NSD2: variants seen among roughly 807,000 people sequenced by gnomAD.
The protein encoded by NSD2 is nuclear receptor binding SET domain protein 2.
A neutral mutation model predicts 139.0 loss-of-function variants in NSD2; 12 were observed. That is an observed-to-expected ratio of 0.09 (90% CI 0.06 to 0.14). The LOEUF is 0.14. Ranked by LOEUF, NSD2 falls within the 10% of genes least tolerant of loss-of-function variation. The pLI is 1.00. For missense variants in NSD2, 1,155 were observed against 1,745.0 expected (o/e 0.66, Z 6.02); for synonymous variants, 669 against 648.7 (o/e 1.03, Z -0.48).
intron 2 of NSD2, among the ~76,000 whole-genome samples, chr4:1,903,448 T>C (rs149708402): frequency 2.6e-4 from 40 of 152,302 alleles, no homozygotes; most frequent in Non-Finnish European, 4.9e-4. Context: ...CGAGACTTGC[T>C]CCTAGTCCTC....
At chr4:1,884,783 G>C (rs1287663504) in intron 1 of NSD2, among the ~76,000 whole-genome samples, 1 of 152,102 alleles carries the variant, frequency 6.6e-6, no homozygotes, top group Non-Finnish European at 1.5e-5. Context: ...CTTTTCAGTT[G>C]AGTTCTGAAA....
chr4:1,899,784 G>A (rs1716917049), intron 1 of NSD2, among the ~76,000 whole-genome samples: 1 of 152,210 alleles, frequency 6.6e-6, no homozygotes, highest in Admixed American at 6.5e-5. Flanking sequence ...CTGCACGTGG[G>A]CCTCACTGGC....
At chr4:1,910,552 G>T (rs1718531840) in intron 3 of NSD2, among the ~76,000 whole-genome samples, 1 of 152,146 alleles carries the variant, frequency 6.6e-6, no homozygotes, top group South Asian at 2.1e-4. Flanking sequence ...TTTCTGTTGT[G>T]GAGATTTTTG....
At chr4:1,957,047 C>G (rs928725218) in intron 15 of NSD2, among the ~76,000 whole-genome samples, 2 of 152,182 alleles carry the variant, frequency 1.3e-5, no homozygotes, top group South Asian at 4.1e-4. Flanking sequence ...CTGCGACTGT[C>G]GGCAAAGTCT....
rs1249281877 is a variant in NSD2 at position 1,975,180 on chromosome 4, C to T, written c.3515-114C>T. ...CAAAATTGAAAGGCCATGGGTCAAG[C>T]CAGTACAGATACAAAAATAATAAGA... On this transcript the variant is annotated intron_variant, in intron 19 of 21. Transcript: ENST00000508803. 27 of 1,398,244 alleles carry T rather than the reference C, an allele frequency of 1.9e-5. No individual in the cohort carries two copies. The South Asian group carries it at 2.0e-4, about 11-fold the overall frequency. The allele number at this position is 1,398,244 out of a possible 1,614,324, so 86.6% of individuals were successfully genotyped here.
rs773520954 is a variant in NSD2, at chr4:1,949,282, G to A, written c.1882-1790G>A. Among the ~76,000 whole-genome samples the A allele has an allele frequency of 2.0e-5, 3 of 152,368 alleles. No individual in the cohort carries two copies. The South Asian group carries it at 6.2e-4, about 32-fold the overall frequency. On this transcript the variant is annotated intron_variant, in intron 9 of 21. Coordinates refer to ENST00000508803, the MANE Select transcript of NSD2 (RefSeq NM_001042424.3). ...TCACAGTGACAGAGCCTTAAAGTGT[G>A]CACTGCTCTGATTAGTGTTCATGAC...
At chr4:1,945,476 T>C in intron 9 of NSD2, 9 of 1,063,510 alleles carry the variant, frequency 8.5e-6, no homozygotes, top group Non-Finnish European at 1.0e-5. Context: ...ACTAAGATTA[T>C]AAATTAGCAT....
Position 1,929,927 on chromosome 4 carries a change from T to TC in NSD2, c.1411-695dup, listed in dbSNP as rs1721435334. On this transcript the variant is annotated intron_variant, in intron 5 of 21. Transcript: ENST00000508803. Reference sequence around the variant, plus strand: ...CAGGTTATTACCAGGTGGAGCGAAGTCCCCAGGATCAGACTTCGGTGTGTC... The same window carrying TC: ...CAGGTTATTACCAGGTGGAGCGAAGTCCCCCAGGATCAGACTTCGGTGTGTC... 5.9e-5 allele frequency among the ~76,000 whole-genome samples: 9 copies of TC among 152,244 alleles called. No homozygotes were observed. The South Asian group carries it at 1.9e-3, about 32-fold the overall frequency.
chr4:1,981,971 A>C lies in NSD2; in HGVS notation c.*3062A>C, dbSNP rs1727811624. ...AACTTAAATGTGCCTATTGGTGTCTAAACTTCATACAATGTAAGGTCAGAT... is the reference window on the plus strand; with the variant it reads ...AACTTAAATGTGCCTATTGGTGTCTCAACTTCATACAATGTAAGGTCAGAT... On this transcript the variant is annotated 3_prime_UTR_variant, in exon 22 of 22. Transcript: ENST00000508803. 1 of 398,582 alleles carries C rather than the reference A, an allele frequency of 2.5e-6. No homozygotes were observed. Among genetic ancestry groups the C allele is most frequent in the Middle Eastern group, 6.3e-4 (1 of 1,588 alleles). The allele number at this position is 398,582 out of a possible 1,614,324, so 24.7% of individuals were successfully genotyped here.
chr4:1,904,140 G>C, intron 2 of NSD2, 76 bp from the exon 3 acceptor site: 1 of 1,501,748 alleles, frequency 6.7e-7, no homozygotes, highest in Admixed American at 1.9e-5. Flanking sequence ...ATTGTAGCCT[G>C]GTGAATCCTT....
intron 6 of NSD2, among the ~76,000 whole-genome samples, chr4:1,932,439 CAAAA>C (rs776037394): frequency 1.5e-5 from 1 of 65,386 alleles, no homozygotes. Flanking sequence ...AGTCAATCTC[CAAAA>C]AAAAAAAAAA....
At chr4:1,915,561 CTG>C (rs1419276922) in intron 3 of NSD2, among the ~76,000 whole-genome samples, 2 of 152,280 alleles carry the variant, frequency 1.3e-5, no homozygotes, top group East Asian at 3.9e-4. Flanking sequence ...CCATTCATTT[CTG>C]TGTGTTTTGG....
chr4:1,945,512 C>T (rs1483375026), intron 9 of NSD2: 2 of 1,064,228 alleles, frequency 1.9e-6, no homozygotes, highest in Non-Finnish European at 2.3e-6. Context: ...AAAAAAGTGC[C>T]TGTGGATGTA....
intron 9 of NSD2, chr4:1,943,675 C>T: frequency 9.5e-7 from 1 of 1,048,700 alleles, no homozygotes; most frequent in Non-Finnish European, 1.2e-6. Context: ...GCAATCTAAG[C>T]TGTGTTACTC....
At chr4:1,909,710 G>A (rs1177567982) in intron 3 of NSD2, among the ~76,000 whole-genome samples, 9 of 150,918 alleles carry the variant, frequency 6.0e-5, no homozygotes, top group Admixed American at 4.0e-4. Flanking sequence ...GTATGATCTC[G>A]GCTCACTGCA....
chr4:1,909,329 T>C (rs985696305), intron 3 of NSD2, among the ~76,000 whole-genome samples: 47 of 152,092 alleles, frequency 3.1e-4, no homozygotes, highest in African/African-American at 1.1e-3. Flanking sequence ...CAGAATAGTA[T>C]GTAGGAGCCC....
At chr4:1,978,189 T>A (rs904256365) in intron 21 of NSD2, among the ~76,000 whole-genome samples, 1 of 152,102 alleles carries the variant, frequency 6.6e-6, no homozygotes, top group Non-Finnish European at 1.5e-5. Flanking sequence ...TGACACACGA[T>A]AGAGAAAAGT....
At chr4:1,918,007 C>T (rs184141980) in intron 4 of NSD2, 134 bp from the exon 5 acceptor site, 3 of 1,090,818 alleles carry the variant, frequency 2.8e-6, no homozygotes, top group Non-Finnish European at 3.8e-6. Context: ...TCTTAAACTC[C>T]TGGCCTCAAG....
chr4:1,919,551 G>C (rs1719848644), intron 5 of NSD2, among the ~76,000 whole-genome samples: 1 of 152,100 alleles, frequency 6.6e-6, no homozygotes, highest in African/African-American at 2.4e-5. Context: ...ATGCTTAAAA[G>C]GCTTTTTTTA....
Sources: allele counts gnomAD v4.1 joint callset (sites outside exome capture counted in the v4.1 genomes callset), GRCh38; gene constraint gnomAD v4.1.1; transcripts MANE v1.5; gene names NCBI Gene and HGNC (gene_info 2026-07-23, HGNC 2026-07-21).